Variants in GNG7 observed in about 807,000 individuals in gnomAD.
The protein encoded by GNG7 is G protein subunit gamma 7.
A neutral mutation model predicts 4.0 loss-of-function variants in GNG7; 1 was observed. The ratio of observed to expected loss-of-function variants is 0.25; its 90% CI spans 0.09 to 1.18. GNG7 has a LOEUF of 1.18. Ranked by LOEUF, GNG7 falls within the 50% of genes most tolerant of loss-of-function variation. GNG7 has a pLI of 0.50. For synonymous variants in GNG7, 34 were observed against 36.9 expected (o/e 0.92, Z 0.29); for missense variants, 86 against 91.9 (o/e 0.94, Z 0.26).
rs1225670782 is a variant in GNG7 at position 2,626,177 on chromosome 19, C to T, written c.-78+20047G>A. On this transcript the variant is annotated intron_variant, in intron 2 of 4. Coordinates refer to ENST00000382159, the MANE Select transcript of GNG7 (RefSeq NM_052847.3). This position sits in a 1 kb window ranked among gnomAD's most constrained non-coding sequence, Gnocchi z 5.0. ...ACCAAACAGAAGCAGAGAGTGACCG[C>T]GGGTGCCCACCTGACCCCGTGTCTC... is the stretch of plus-strand genomic sequence containing the variant. 6.6e-6 allele frequency among the ~76,000 whole-genome samples: 1 copy of T among 152,128 alleles called. No individual in the cohort carries two copies. Among genetic ancestry groups the T allele is most frequent in the Admixed American group, 6.6e-5 (1 of 15,262 alleles).
At chr19:2,628,626 A>C in intron 2 of GNG7, among the ~76,000 whole-genome samples, 1 of 152,006 alleles carries the variant, frequency 6.6e-6, no homozygotes, top group Non-Finnish European at 1.5e-5. Context: ...GGCTCTCCAG[A>C]ACCTTCCATC....
chr19:2,538,591 G>A (rs748684844), intron 3 of GNG7: 10 of 387,000 alleles, frequency 2.6e-5, no homozygotes, highest in South Asian at 6.0e-5. Context: ...TGATTGCACC[G>A]CTGCACTCCA....
At chr19:2,641,380 G>A (rs1982500448) in intron 2 of GNG7, among the ~76,000 whole-genome samples, 1 of 152,192 alleles carries the variant, frequency 6.6e-6, no homozygotes, top group Admixed American at 6.5e-5. Flanking sequence ...GTTAAGGATC[G>A]TGAGATAGGA....
At chr19:2,518,530 G>A (rs1245935985) in intron 4 of GNG7, among the ~76,000 whole-genome samples, 1 of 152,176 alleles carries the variant, frequency 6.6e-6, no homozygotes, top group African/African-American at 2.4e-5. Context: ...GTCTGGGAGG[G>A]CTCAGAGCTG....
chr19:2,521,535 ATATCCAT>A, intron 3 of GNG7, among the ~76,000 whole-genome samples: 2 of 150,722 alleles, frequency 1.3e-5, no homozygotes, highest in African/African-American at 4.9e-5. Context: ...TCCGAACGCG[ATATCCAT>A]AGTACCCAGG....
At position 2,538,312 on chromosome 19, in the gene GNG7, G is replaced by A. The variant is rs1470100011; in HGVS notation, c.-38+16837C>T. The A allele has an allele frequency of 2.6e-5, 12 of 456,032 alleles. No individual in the cohort carries two copies. In the East Asian group the frequency reaches 2.8e-4, roughly 11 times the overall value. 28.2% of individuals were successfully genotyped at this position (456,032 alleles called of 1,614,324 possible). ...GTCAATTTTAGAGAGATCCCTCCAC[G>A]ATGCTATCCAAAGCATGCGTCAGGC... On this transcript the variant is annotated intron_variant, in intron 3 of 4. Transcript: ENST00000382159.
chr19:2,639,023 G>A (rs1452486263), intron 2 of GNG7, among the ~76,000 whole-genome samples: 3 of 152,032 alleles, frequency 2.0e-5, no homozygotes, highest in Admixed American at 1.3e-4. Context: ...GATCACTTGA[G>A]GTCAGGGGTT....
chr19:2,688,166 T>C (rs1983918503), intron 1 of GNG7, among the ~76,000 whole-genome samples: 3 of 152,064 alleles, frequency 2.0e-5, no homozygotes, highest in Non-Finnish European at 4.4e-5. Flanking sequence ...GGCAGGAGAA[T>C]GGTGTAAACC....
intron 2 of GNG7, among the ~76,000 whole-genome samples, chr19:2,568,437 C>T (rs1213427641): frequency 8.4e-6 from 1 of 118,740 alleles, no homozygotes; most frequent in Non-Finnish European, 1.9e-5. Context: ...CATACATATA[C>T]ATACACACAT....
intron 2 of GNG7, among the ~76,000 whole-genome samples, chr19:2,564,398 T>C (rs76359638): frequency 0.18 from 27,955 of 151,766 alleles, 2,746 homozygotes; most frequent in African/African-American, 0.25. Flanking sequence ...CTGGCCAACG[T>C]GGTGAAACCC....
intron 2 of GNG7, among the ~76,000 whole-genome samples, chr19:2,568,564 TAC>T (rs1437026084): frequency 9.4e-5 from 14 of 148,784 alleles, no homozygotes; most frequent in East Asian, 2.0e-4. Flanking sequence ...TACACACATA[TAC>T]ACACATACAC....
chr19:2,648,755 A>G (rs1982732174), intron 1 of GNG7, among the ~76,000 whole-genome samples: 1 of 152,198 alleles, frequency 6.6e-6, no homozygotes. Context: ...TCAGGGCAGC[A>G]GGGATGAGTG....
intron 1 of GNG7, among the ~76,000 whole-genome samples, chr19:2,655,763 C>A (rs759466534): frequency 4.1e-5 from 6 of 147,832 alleles, no homozygotes; most frequent in Admixed American, 6.8e-5. Context: ...GGCGTGAACC[C>A]GGGAGGTGGA....
rs1173916001 is a variant in GNG7, at chr19:2,513,004, G to A, written c.*2018C>T. 66 of 985,460 alleles carry A rather than the reference G, an allele frequency of 6.7e-5. No individual in the cohort carries two copies. Among genetic ancestry groups the A allele is most frequent in the Non-Finnish European group, 8.0e-5 (66 of 829,946 alleles). 61.0% of individuals were successfully genotyped at this position (985,460 alleles called of 1,614,324 possible). A position where few individuals can be genotyped will look rare whatever the true frequency, so the allele number is the denominator to read the frequency against. On this transcript the variant is annotated 3_prime_UTR_variant, in exon 5 of 5. Transcript: ENST00000382159. ...CCCGGGCCAACAGCAGGTTTGGCGG[G>A]TAGGGCTCCCCGAAGCCCCAGCCCT...
intron 2 of GNG7, among the ~76,000 whole-genome samples, chr19:2,571,588 C>CTTTTTTTTTTTTTTTTT (rs779497111): frequency 1.9e-4 from 13 of 68,012 alleles, no homozygotes; most frequent in African/African-American, 3.2e-4. Flanking sequence ...CATTTCTTTC[C>CTTTTTTTTTTTTTTTTT]TTTTTTTTTT....
chr19:2,686,820 C>T (rs1044437850), intron 1 of GNG7, among the ~76,000 whole-genome samples: 1 of 150,232 alleles, frequency 6.7e-6, no homozygotes, highest in African/African-American at 2.5e-5. Context: ...GGCACGATCT[C>T]GGCTCACTGC....
intron 3 of GNG7, among the ~76,000 whole-genome samples, chr19:2,527,276 G>A (rs1425912865): frequency 6.6e-6 from 1 of 152,152 alleles, no homozygotes; most frequent in African/African-American, 2.4e-5. Flanking sequence ...TATCAGAACC[G>A]GGACCCTGAG....
At chr19:2,690,109 C>T (rs936916229) in intron 1 of GNG7, among the ~76,000 whole-genome samples, 1 of 151,914 alleles carries the variant, frequency 6.6e-6, no homozygotes, top group Non-Finnish European at 1.5e-5. Flanking sequence ...AGGCCGGGCA[C>T]GGTGGCTCAC....
At chr19:2,582,550 G>A (rs992197592) in intron 2 of GNG7, among the ~76,000 whole-genome samples, 6 of 150,070 alleles carry the variant, frequency 4.0e-5, no homozygotes, top group Non-Finnish European at 5.9e-5. Flanking sequence ...TGGTACAATT[G>A]TGCCTCACTG....
Sources: gnomAD v4.1 joint callset for allele counts (sites outside exome capture counted in the v4.1 genomes callset) on GRCh38, gnomAD v4.1.1 for gene constraint, Gnocchi (gnomAD v3.1) non-coding constraint, MANE v1.5 for transcripts, NCBI Gene and HGNC (gene_info 2026-07-23, HGNC 2026-07-21) for gene names.